The following IPPK variants were observed in gnomAD, a reference collection of about 807,000 sequenced individuals.
The protein encoded by IPPK is inositol-pentakisphosphate 2-kinase.
In IPPK, 22 loss-of-function variants were observed where a neutral mutation model predicts 64.6. That is an observed-to-expected ratio of 0.34 (90% CI 0.24 to 0.49). IPPK has a LOEUF of 0.49. Ranked by LOEUF, IPPK falls within the 20% of genes least tolerant of loss-of-function variation. The pLI is 0.99. For synonymous variants in IPPK, 262 were observed against 247.2 expected, an observed-to-expected ratio of 1.06 and a Z score of -0.56; for missense variants, 532 against 630.7, an observed-to-expected ratio of 0.84 and a Z score of 1.68.
intron 1 of IPPK, among the ~76,000 whole-genome samples, chr9:92,669,508 C>A (rs960363857): frequency 6.6e-6 from 1 of 152,174 alleles, no homozygotes; most frequent in Non-Finnish European, 1.5e-5. Context: ...GCCCTCCGTC[C>A]CAACCAAGCC....
At chr9:92,654,575 G>A (rs1349245118) in intron 3 of IPPK, among the ~76,000 whole-genome samples, 2 of 152,168 alleles carry the variant, frequency 1.3e-5, no homozygotes, top group South Asian at 2.1e-4. Flanking sequence ...CTACATTGGC[G>A]AGTGTGGACC....
chr9:92,635,215 C>T lies in IPPK; in HGVS notation c.1010G>A (p.Gly337Asp), dbSNP rs920046972. Residue 337 changes from glycine to aspartate, a missense_variant, in exon 10 of 13, where the codon GGC becomes GAC. Gly to Asp is a moderately conservative substitution (Grantham distance 94, BLOSUM62 -1). Transcript: ENST00000287996. This position sits in a 1 kb window ranked among gnomAD's most constrained non-coding sequence, Gnocchi z 4.4. ...AACCCGGTTGTACAGAGGGTAGAGGCCTTCGATGTCCAGCAGGTCCAACAT... is the reference window on the plus strand; with the variant it reads ...AACCCGGTTGTACAGAGGGTAGAGGTCTTCGATGTCCAGCAGGTCCAACAT... Reference protein sequence around the residue: ...VQMLDLLDIEGLYPLYNRVER... With the variant: ...VQMLDLLDIEDLYPLYNRVER... 1.2e-6 allele frequency: 2 copies of T among 1,614,170 alleles called. No individual in the cohort carries two copies. The highest frequency in any genetic ancestry group is 3.3e-5 in the Admixed American group (2 of 60,018).
In IPPK at chr9:92,658,491, T is replaced by G. The variant is rs975112020; in HGVS notation, c.129+143A>C. ...GACCCAGTCAGTTTTATATCAGGAA[T>G]GATGGACACACCACTTTCTGCACTG... On this transcript the variant is annotated intron_variant, in intron 2 of 12. Coordinates refer to ENST00000287996, the MANE Select transcript of IPPK (RefSeq NM_022755.6). The G allele has an allele frequency of 6.9e-5, 51 of 735,312 alleles. 1 individual carries two copies. In the South Asian group the frequency reaches 7.6e-4, roughly 11 times the overall value. The allele number at this position is 735,312 out of a possible 1,614,324, so 45.5% of individuals were successfully genotyped here.
intron 7 of IPPK, 59 bp downstream of exon 7, chr9:92,642,693 C>T (rs1325577399): frequency 1.0e-5 from 15 of 1,492,304 alleles, no homozygotes; most frequent in Middle Eastern, 1.8e-4. Flanking sequence ...CACTGGCCCC[C>T]GCCCTACCCA....
chr9:92,625,009 C>G (rs561251071), intron 11 of IPPK, among the ~76,000 whole-genome samples: 35 of 151,886 alleles, frequency 2.3e-4, no homozygotes, highest in African/African-American at 8.2e-4. Context: ...GTCAGTACAA[C>G]AGTTAACCCT....
intron 6 of IPPK, among the ~76,000 whole-genome samples, chr9:92,645,732 G>A (rs1852138370): frequency 6.6e-6 from 1 of 152,080 alleles, no homozygotes; most frequent in Admixed American, 6.5e-5. Flanking sequence ...CTAAAAGAAA[G>A]ATTGCCATCC....
Position 92,638,105 on chromosome 9 carries a change from C to T in IPPK, c.812G>A (p.Ser271Asn), listed in dbSNP as rs1250163867. 3 of 1,614,038 alleles carry T rather than the reference C, an allele frequency of 1.9e-6. No homozygotes were observed. The highest frequency in any genetic ancestry group is 2.5e-6 in the Non-Finnish European group (3 of 1,179,996). The change falls in exon 9 of 13, where the codon AGT (serine) becomes AAT (asparagine). Residue 271 changes from serine (S) to asparagine (N), a missense_variant. Ser to Asn is a conservative substitution (Grantham distance 46, BLOSUM62 1). Coordinates refer to ENST00000287996, the MANE Select transcript of IPPK (RefSeq NM_022755.6). ...LVHVITRVLL[S>N]GSDKGRAGTL... ...GCCTGCCCGGCCCTTGTCCGAGCCA[C>T]TCAGCAGCACCCGTGTGATCACGTG...
At chr9:92,668,325 T>C (rs1016939348) in intron 1 of IPPK, among the ~76,000 whole-genome samples, 2 of 152,124 alleles carry the variant, frequency 1.3e-5, no homozygotes, top group African/African-American at 2.4e-5. Context: ...TGCAACAGGG[T>C]AGGGCCAGGC....
intron 2 of IPPK, 31 bp from the exon 3 acceptor site, chr9:92,656,582 TG>T (rs745658735): frequency 7.1e-7 from 1 of 1,409,242 alleles, no homozygotes; most frequent in South Asian, 1.1e-5. Flanking sequence ...ACAGCCTTCG[TG>T]ATGGGACCTC....
intron 11 of IPPK, among the ~76,000 whole-genome samples, chr9:92,622,132 A>G (rs992402222): frequency 2.0e-5 from 3 of 152,196 alleles, no homozygotes; most frequent in African/African-American, 7.2e-5. Context: ...TCTGCTCCTG[A>G]TTTTAAAAAA....
At chr9:92,626,578 T>C (rs1851737788) in intron 11 of IPPK, among the ~76,000 whole-genome samples, 1 of 151,920 alleles carries the variant, frequency 6.6e-6, no homozygotes, top group African/African-American at 2.4e-5. Flanking sequence ...GTGTGGGAGA[T>C]AAAATAAGGT....
chr9:92,633,605 A>T (rs1443758151), intron 11 of IPPK, among the ~76,000 whole-genome samples: 1 of 152,128 alleles, frequency 6.6e-6, no homozygotes, highest in African/African-American at 2.4e-5. Flanking sequence ...GTTTTAAGTA[A>T]TTCTCCCACC....
intron 6 of IPPK, among the ~76,000 whole-genome samples, chr9:92,645,197 C>A (rs1042328132): frequency 6.6e-6 from 1 of 151,842 alleles, no homozygotes; most frequent in Non-Finnish European, 1.5e-5. Context: ...TCGAGACCAG[C>A]CTGGGCAACA....
chr9:92,619,741 C>T, intron 11 of IPPK, 176 bp from the exon 12 acceptor site: 1 of 627,438 alleles, frequency 1.6e-6, no homozygotes, highest in Non-Finnish European at 2.9e-6. Context: ...TGTGAGAGCA[C>T]CTGGGCCAGC....
At chr9:92,621,507 CTTTT>C (rs58003734) in intron 11 of IPPK, among the ~76,000 whole-genome samples, 16 of 87,808 alleles carry the variant, frequency 1.8e-4, no homozygotes, top group East Asian at 5.9e-4. Flanking sequence ...AATACCATTC[CTTTT>C]TTTTTTTTTT....
Position 92,616,067 on chromosome 9 carries a change from A to T in IPPK, c.1251-10T>A. 6.2e-7 allele frequency: 1 copy of T among 1,602,810 alleles called. No individual in the cohort carries two copies. Among genetic ancestry groups the T allele is most frequent in the Non-Finnish European group, 8.5e-7 (1 of 1,170,994 alleles). ...AGGCCTTTGATCAGAGCTGCAAGTA[A>T]AAAGTACCATTTCAGGATACACAAG... On this transcript the variant is annotated splice_polypyrimidine_tract_variant and intron_variant, in intron 12 of 12. Coordinates refer to ENST00000287996, the MANE Select transcript of IPPK (RefSeq NM_022755.6).
chr9:92,659,892 C>T (rs1241953688), intron 1 of IPPK, among the ~76,000 whole-genome samples: 2 of 152,076 alleles, frequency 1.3e-5, no homozygotes, highest in East Asian at 1.9e-4. Context: ...GCTCCTGGCT[C>T]GCTGTGCTGC....
At chr9:92,669,849 G>A in intron 1 of IPPK, 59 bp downstream of exon 1, 1 of 1,253,916 alleles carries the variant, frequency 8.0e-7, no homozygotes, top group South Asian at 1.2e-5. Context: ...TAATGGGGGC[G>A]GGGTGATACC....
intron 6 of IPPK, among the ~76,000 whole-genome samples, chr9:92,647,834 G>A (rs1254289754): frequency 6.6e-6 from 1 of 152,188 alleles, no homozygotes; most frequent in Non-Finnish European, 1.5e-5. Context: ...GGAGGCTGCA[G>A]TGAGTATGAT....
Sources: allele counts gnomAD v4.1 joint callset (sites outside exome capture counted in the v4.1 genomes callset), GRCh38; gene constraint gnomAD v4.1.1; non-coding constraint Gnocchi (gnomAD v3.1); transcripts MANE v1.5; gene names NCBI Gene and HGNC (gene_info 2026-07-23, HGNC 2026-07-21).